The following RAB3C variants were observed in gnomAD, a reference collection of about 807,000 sequenced individuals.
The protein encoded by RAB3C is ras-related protein Rab-3C.
RAB3C carries 17 observed loss-of-function variants against 26.4 expected under a neutral mutation model. The observed-to-expected ratio is 0.64, with a 90% CI of 0.44 to 0.97. The LOEUF (loss-of-function observed/expected upper bound fraction) is 0.97, where lower values mean the gene tolerates loss of function less well. Among genes scored for constraint, RAB3C ranks in the 50% least tolerant of loss-of-function variants. The pLI is 0.00. For missense variants in RAB3C, 242 were observed against 281.9 expected (o/e 0.86, Z 1.01); for synonymous variants, 91 against 95.9 (o/e 0.95, Z 0.30).
At chr5:58,691,732 C>A (rs1748574186) in intron 2 of RAB3C, among the ~76,000 whole-genome samples, 2 of 152,138 alleles carry the variant, frequency 1.3e-5, no homozygotes, top group African/African-American at 4.8e-5. Flanking sequence ...GGTGTTTGAT[C>A]TCAAAATGTA....
At chr5:58,652,146 G>A (rs1747666691) in intron 2 of RAB3C, among the ~76,000 whole-genome samples, 1 of 151,888 alleles carries the variant, frequency 6.6e-6, no homozygotes, top group Non-Finnish European at 1.5e-5. Context: ...CTGCGATTGG[G>A]AGCTGTCAAG....
chr5:58,815,106 T>C (rs1230587511), intron 3 of RAB3C, among the ~76,000 whole-genome samples: 2 of 152,078 alleles, frequency 1.3e-5, no homozygotes, highest in East Asian at 3.9e-4. Flanking sequence ...GCATTTTTGG[T>C]TTTTCCAGGA....
At chr5:58,627,512 A>C (rs1302922331) in intron 2 of RAB3C, among the ~76,000 whole-genome samples, 2 of 77,550 alleles carry the variant, frequency 2.6e-5, no homozygotes, top group Non-Finnish European at 5.1e-5. Flanking sequence ...AAAAAAAAAA[A>C]AAAAAAACAC....
intron 3 of RAB3C, among the ~76,000 whole-genome samples, chr5:58,758,935 G>A (rs1415812854): frequency 1.3e-5 from 2 of 151,746 alleles, no homozygotes; most frequent in East Asian, 3.9e-4. Flanking sequence ...CATGTCTGCT[G>A]TTGCCACCTG....
chr5:58,822,844 G>T, intron 3 of RAB3C: 1 of 636,540 alleles, frequency 1.6e-6, no homozygotes, highest in Non-Finnish European at 3.0e-6. Context: ...TTCTCGGTAG[G>T]TTTGGCATGG....
chr5:58,606,508 C>T (rs553335392), intron 1 of RAB3C, among the ~76,000 whole-genome samples: 9 of 152,324 alleles, frequency 5.9e-5, no homozygotes, highest in South Asian at 4.1e-4. Context: ...CAGACTTAAA[C>T]GTCCCTGTCT....
chr5:58,693,334 G>A (rs10052338), intron 2 of RAB3C, among the ~76,000 whole-genome samples: 28,905 of 83,212 alleles, frequency 0.35, 3,583 homozygotes, highest in Non-Finnish European at 0.41. Flanking sequence ...ATATATATAT[G>A]TGTATATATA....
At chr5:58,728,870 T>G (rs1184689686) in intron 3 of RAB3C, among the ~76,000 whole-genome samples, 1 of 152,016 alleles carries the variant, frequency 6.6e-6, no homozygotes, top group Non-Finnish European at 1.5e-5. Flanking sequence ...TTCCATACGC[T>G]CTATGTTTCA....
At chr5:58,754,287 T>C (rs977841043) in intron 3 of RAB3C, among the ~76,000 whole-genome samples, 2 of 152,196 alleles carry the variant, frequency 1.3e-5, no homozygotes, top group African/African-American at 4.8e-5. Flanking sequence ...CACTAAATAA[T>C]GTATGTAACC....
rs1748401753 is a variant in RAB3C at position 58,684,262 on chromosome 5, T to C, written c.253-41740T>C. On this transcript the variant is annotated intron_variant, in intron 2 of 4. Coordinates refer to ENST00000282878, the MANE Select transcript of RAB3C (RefSeq NM_138453.4). The stretch of plus-strand genomic sequence containing the variant: ...CTGCGTAAGTTATATGCGAATACTA[T>C]GCCATTTTATACCAGGGACTTGAGC... Among the ~76,000 whole-genome samples the C allele has an allele frequency of 2.0e-5, 3 of 152,246 alleles. No homozygotes were observed. The South Asian group carries it at 6.2e-4, about 31-fold the overall frequency.
chr5:58,762,647 C>T (rs550587775), intron 3 of RAB3C, among the ~76,000 whole-genome samples: 12 of 152,110 alleles, frequency 7.9e-5, no homozygotes, highest in Non-Finnish European at 1.6e-4. Flanking sequence ...GAGCTGACAG[C>T]GCCATTGCCC....
chr5:58,843,900 C>T (rs1432694273), intron 4 of RAB3C, among the ~76,000 whole-genome samples: 1 of 152,166 alleles, frequency 6.6e-6, no homozygotes, highest in Admixed American at 6.5e-5. Flanking sequence ...TTCTCCCAGC[C>T]AATTAACAGA....
chr5:58,823,665 C>T (rs1015502155), intron 3 of RAB3C: 2 of 209,138 alleles, frequency 9.6e-6, no homozygotes, highest in African/African-American at 2.3e-5. Flanking sequence ...TCAGGTAGCT[C>T]AAAAGAAGGG....
intron 2 of RAB3C, among the ~76,000 whole-genome samples, chr5:58,651,664 C>A (rs969279881): frequency 6.6e-6 from 1 of 152,100 alleles, no homozygotes; most frequent in African/African-American, 2.4e-5. Context: ...CAACAAACAT[C>A]GTTTAGCACC....
intron 2 of RAB3C, among the ~76,000 whole-genome samples, chr5:58,656,399 T>C (rs1312749652): frequency 6.6e-6 from 1 of 152,218 alleles, no homozygotes; most frequent in Non-Finnish European, 1.5e-5. Flanking sequence ...AATAAGTATG[T>C]GAGGTGATGG....
chr5:58,764,290 C>T (rs141171705), intron 3 of RAB3C, among the ~76,000 whole-genome samples: 4 of 143,862 alleles, frequency 2.8e-5, no homozygotes, highest in African/African-American at 5.0e-5. Flanking sequence ...CTTGTGCCCA[C>T]GGCTATGGCC....
chr5:58,601,505 A>G (rs986627183), intron 1 of RAB3C, among the ~76,000 whole-genome samples: 13 of 152,104 alleles, frequency 8.5e-5, no homozygotes, highest in Non-Finnish European at 1.9e-4. Context: ...TTTTTTAATT[A>G]CCATTTCAAT....
intron 3 of RAB3C, among the ~76,000 whole-genome samples, chr5:58,734,472 C>T (rs1450339342): frequency 6.6e-6 from 1 of 152,084 alleles, no homozygotes; most frequent in Non-Finnish European, 1.5e-5. Context: ...CACTGGACCG[C>T]GGGGAGTCTC....
At chr5:58,691,285 G>T (rs747490442) in intron 2 of RAB3C, among the ~76,000 whole-genome samples, 61 of 152,086 alleles carry the variant, frequency 4.0e-4, no homozygotes, top group Non-Finnish European at 6.3e-4. Flanking sequence ...AGTTTCTTCT[G>T]CATTTGTTCA....
Sources: allele counts gnomAD v4.1 joint callset (sites outside exome capture counted in the v4.1 genomes callset), GRCh38; gene constraint gnomAD v4.1.1; transcripts MANE v1.5; gene names NCBI Gene and HGNC (gene_info 2026-07-23, HGNC 2026-07-21).